The following TUT4 variants were observed in gnomAD, a reference collection of about 807,000 sequenced individuals.
TUT4 encodes terminal uridylyltransferase 4.
A neutral mutation model predicts 192.2 loss-of-function variants in TUT4; 36 were observed. That is an observed-to-expected ratio of 0.19 (90% CI 0.14 to 0.25). The LOEUF is 0.25. Among genes scored for constraint, TUT4 ranks in the 10% least tolerant of loss-of-function variants. TUT4 has a pLI of 1.00. For missense variants in TUT4, 1,493 were observed against 1,957.2 expected, an observed-to-expected ratio of 0.76 and a Z score of 4.47; for synonymous variants, 618 against 666.0, an observed-to-expected ratio of 0.93 and a Z score of 1.11.
intron 28 of TUT4, among the ~76,000 whole-genome samples, chr1:52,430,026 GT>G (rs538665515): frequency 3.6e-4 from 54 of 149,998 alleles, no homozygotes; most frequent in Middle Eastern, 7.0e-3. Flanking sequence ...TAAATATGCA[GT>G]TTTTTTTTAA....
intron 20 of TUT4, among the ~76,000 whole-genome samples, chr1:52,457,559 T>C (rs1423949145): frequency 6.6e-6 from 1 of 152,168 alleles, no homozygotes. Flanking sequence ...TTCTTTGCCA[T>C]AACTATCAAA....
At chr1:52,459,966 T>G (rs375191529) in intron 19 of TUT4, among the ~76,000 whole-genome samples, 1 of 152,158 alleles carries the variant, frequency 6.6e-6, no homozygotes, top group African/African-American at 2.4e-5. Flanking sequence ...CCTGAAAGAA[T>G]CTTCAGAGAC....
chr1:52,450,966 A>G (rs1456591404), intron 20 of TUT4, among the ~76,000 whole-genome samples: 2 of 152,180 alleles, frequency 1.3e-5, no homozygotes, highest in Non-Finnish European at 2.9e-5. Context: ...AACAACGATT[A>G]TAATAATACA....
At chr1:52,439,277 C>T (rs1654801399) in intron 24 of TUT4, among the ~76,000 whole-genome samples, 1 of 151,964 alleles carries the variant, frequency 6.6e-6, no homozygotes, top group Non-Finnish European at 1.5e-5. Context: ...AAGCAATTAT[C>T]TGGTTTATGT....
intron 1 of TUT4, among the ~76,000 whole-genome samples, chr1:52,534,283 C>T (rs1684304378): frequency 6.6e-6 from 1 of 152,196 alleles, no homozygotes; most frequent in Admixed American, 6.5e-5. Context: ...CTGCCTAATT[C>T]TGGCACTCGG....
rs987496927 is a variant in TUT4, at chr1:52,472,619, A to G, written c.2728-517T>C. ...ATAAATTATTAAACTAATTTACTAA[A>G]TTAGTTGCTCAAGAGACCAAACTGC... On this transcript the variant is annotated intron_variant, in intron 13 of 29. Transcript: ENST00000257177. 2.9e-4 allele frequency among the ~76,000 whole-genome samples: 44 copies of G among 151,596 alleles called. 1 individual carries two copies. Among genetic ancestry groups the G allele is most frequent in the African/African-American group, 9.7e-4 (40 of 41,402 alleles).
At chr1:52,517,740 T>C (rs1428276177) in intron 2 of TUT4, among the ~76,000 whole-genome samples, 1 of 152,160 alleles carries the variant, frequency 6.6e-6, no homozygotes, top group Non-Finnish European at 1.5e-5. Flanking sequence ...TTTGGAAAAA[T>C]GATTTAGTTT....
intron 20 of TUT4, among the ~76,000 whole-genome samples, chr1:52,454,229 A>G (rs1660236242): frequency 6.6e-6 from 1 of 152,222 alleles, no homozygotes; most frequent in African/African-American, 2.4e-5. Flanking sequence ...AACTGATTCT[A>G]AAGTTTACAT....
chr1:52,462,771 A>G (rs887703742), intron 16 of TUT4: 23 of 985,176 alleles, frequency 2.3e-5, no homozygotes, highest in Non-Finnish European at 2.8e-5. Context: ...TTACCTCTGT[A>G]AATTTAAATG....
chr1:52,475,175 T>C lies in TUT4; in HGVS notation c.2384A>G (p.Gln795Arg), dbSNP rs1247880921. The C allele has an allele frequency of 6.8e-6, 11 of 1,614,088 alleles. No individual in the cohort carries two copies. Among genetic ancestry groups the C allele is most frequent in the East Asian group, 2.2e-5 (1 of 44,896 alleles). The change falls in exon 13 of 30, where the codon CAG becomes CGG. Residue 795 changes from glutamine (Q) to arginine (R), a missense_variant. This residue lies in a region of TUT4 where 245 missense variants were observed against 218.4 expected (regional missense o/e 1.12). Coordinates refer to ENST00000257177, the MANE Select transcript of TUT4 (RefSeq NM_001009881.3). ...GCTGGTAGAAAGAGATGAAGAGTCC[T>C]GTCCGTGGTCAGCAAAATCTAGTTC... ...VNELDFADHGQDSSSLSTSKS... is the reference protein window; with the variant it reads ...VNELDFADHGRDSSSLSTSKS...
chr1:52,526,415 G>T, intron 1 of TUT4, 42 bp from the exon 2 acceptor site: 2 of 835,450 alleles, frequency 2.4e-6, no homozygotes, highest in Non-Finnish European at 3.2e-6. Context: ...TATTTAAAAT[G>T]CAAAAACAAT....
intron 4 of TUT4, among the ~76,000 whole-genome samples, chr1:52,499,431 T>C (rs1233420648): frequency 6.6e-6 from 1 of 152,022 alleles, no homozygotes; most frequent in Non-Finnish European, 1.5e-5. Context: ...AACCACTATG[T>C]GTACTAGCAT....
chr1:52,446,032 G>A, intron 22 of TUT4, 28 bp from the exon 23 acceptor site: 1 of 1,582,170 alleles, frequency 6.3e-7, no homozygotes, highest in South Asian at 1.2e-5. Flanking sequence ...CAATGATTAA[G>A]AATTACATTC....
At chr1:52,548,839 T>C (rs946428487) in intron 1 of TUT4, among the ~76,000 whole-genome samples, 2 of 152,252 alleles carry the variant, frequency 1.3e-5, no homozygotes, top group Non-Finnish European at 2.9e-5. Context: ...CAAACTTGCA[T>C]GAATAGCGTC....
Position 52,459,956 on chromosome 1 carries a change from C to T in TUT4, c.3321+1178G>A, listed in dbSNP as rs535082830. On this transcript the variant is annotated intron_variant, in intron 19 of 29. Transcript: ENST00000257177. ...GAGAGGAGAGGGAGGAGGAATGAAACCTGAAAGAATCTTCAGAGACTTCTT... is the reference window on the plus strand; with the variant it reads ...GAGAGGAGAGGGAGGAGGAATGAAATCTGAAAGAATCTTCAGAGACTTCTT... Among the ~76,000 whole-genome samples, 5 of 151,924 alleles carry T rather than the reference C, an allele frequency of 3.3e-5. No homozygotes were observed. In the East Asian group the frequency reaches 9.7e-4, roughly 29 times the overall value.
chr1:52,438,625 G>A (rs1039140434), intron 24 of TUT4, among the ~76,000 whole-genome samples: 3 of 152,134 alleles, frequency 2.0e-5, no homozygotes, highest in Non-Finnish European at 4.4e-5. Context: ...CTTTACAGAT[G>A]GGGAAACTGA....
chr1:52,488,800 C>T lies in TUT4; in HGVS notation c.1515+109G>A, dbSNP rs147748186. 7.9e-5 allele frequency: 93 copies of T among 1,176,284 alleles called. 2 individuals carry two copies. In the East Asian group the frequency reaches 2.5e-3, roughly 32 times the overall value. 72.9% of individuals were successfully genotyped at this position (1,176,284 alleles called of 1,614,324 possible). A position where few individuals can be genotyped will look rare whatever the true frequency, so the allele number is the denominator to read the frequency against. On this transcript the variant is annotated intron_variant, in intron 9 of 29. Transcript: ENST00000257177. The stretch of plus-strand genomic sequence containing the variant: ...TAGCACAGAAAACTACTTTCTCCCA[C>T]ATGTTATGATTGATGTTACATGTCA...
rs748817906 is a variant in TUT4, at chr1:52,525,733, T to C, written c.548A>G (p.Lys183Arg). ...QKTELQQIGKKIPSSFTSVDK... is the reference protein window; with the variant it reads ...QKTELQQIGKRIPSSFTSVDK... Reference sequence around the variant, plus strand: ...CACAGAAGTAAAGGAGCTTGGAATTTTTTTTCCAATCTGTTGTAATTCTGT... The same window carrying C: ...CACAGAAGTAAAGGAGCTTGGAATTCTTTTTCCAATCTGTTGTAATTCTGT... Residue 183 changes from lysine (K) to arginine (R), a missense_variant, in exon 2 of 30, where the codon AAA becomes AGA. Lys to Arg is a conservative substitution (Grantham distance 26, BLOSUM62 2). Around this residue, in one of 7 missense-constraint regions of TUT4, gnomAD observed 260 missense variants for 247.8 expected, o/e 1.05. Transcript: ENST00000257177. 6.2e-7 allele frequency: 1 copy of C among 1,614,200 alleles called. No individual in the cohort carries two copies. Among genetic ancestry groups the C allele is most frequent in the Non-Finnish European group, 8.5e-7 (1 of 1,180,036 alleles).
intron 1 of TUT4, among the ~76,000 whole-genome samples, chr1:52,541,412 A>G (rs530175482): frequency 6.6e-6 from 1 of 151,690 alleles, no homozygotes. Context: ...GGCGCCAGTA[A>G]TCCCAGCTAC....
Sources: gnomAD v4.1 joint callset for allele counts (sites outside exome capture counted in the v4.1 genomes callset) on GRCh38, gnomAD v4.1.1 for gene constraint, gnomAD v4.1.1 regional missense constraint, MANE v1.5 for transcripts, NCBI Gene and HGNC (gene_info 2026-07-23, HGNC 2026-07-21) for gene names.